Variants in SPEF2 observed in about 807,000 individuals in gnomAD.
SPEF2 encodes the protein sperm flagellar and cilia associated 2.
A neutral mutation model predicts 224.6 loss-of-function variants in SPEF2; 187 were observed. That is an observed-to-expected ratio of 0.83 (90% CI 0.74 to 0.94). The LOEUF (loss-of-function observed/expected upper bound fraction) is 0.94, where lower values mean the gene tolerates loss of function less well. Ranked by LOEUF, SPEF2 falls within the 40% of genes least tolerant of loss-of-function variation. The pLI is 0.00. For synonymous variants in SPEF2, 715 were observed against 707.3 expected, an observed-to-expected ratio of 1.01 and a Z score of -0.17; for missense variants, 2,170 against 2,135.6, an observed-to-expected ratio of 1.02 and a Z score of -0.32.
chr5:35,663,993 G>A (rs1750084794), intron 8 of SPEF2, among the ~76,000 whole-genome samples: 1 of 152,094 alleles, frequency 6.6e-6, no homozygotes, highest in African/African-American at 2.4e-5. Context: ...CATTGCCTGG[G>A]TTCTGGCCAC....
At chr5:35,692,863 C>A in intron 12 of SPEF2, 139 bp downstream of exon 12, 1 of 690,568 alleles carries the variant, frequency 1.4e-6, no homozygotes, top group Non-Finnish European at 2.2e-6. Flanking sequence ...CTGCAAAAGT[C>A]TAGAAAATAA....
At chr5:35,775,415 C>T (rs778898085) in intron 28 of SPEF2, among the ~76,000 whole-genome samples, 2 of 152,050 alleles carry the variant, frequency 1.3e-5, no homozygotes, top group Non-Finnish European at 2.9e-5. Context: ...AGGAGTATTA[C>T]GTGCCATGGC....
chr5:35,660,746 G>A (rs1434802504), intron 8 of SPEF2, among the ~76,000 whole-genome samples: 1 of 152,062 alleles, frequency 6.6e-6, no homozygotes, highest in African/African-American at 2.4e-5. Flanking sequence ...GTGCCTATTT[G>A]AAAAATATGT....
At position 35,775,978 on chromosome 5, in the gene SPEF2, G is replaced by A. The variant is rs767245296; in HGVS notation, c.4079-279G>A. On this transcript the variant is annotated intron_variant, in intron 28 of 36. Coordinates refer to ENST00000356031, the MANE Select transcript of SPEF2 (RefSeq NM_024867.4). ...TTCAAAATTCAGAAATTACCTATGCGTGTTTTCACATTTCATTTATCAAAG... is the reference window on the plus strand; with the variant it reads ...TTCAAAATTCAGAAATTACCTATGCATGTTTTCACATTTCATTTATCAAAG... Among the ~76,000 whole-genome samples the A allele has an allele frequency of 2.6e-5, 4 of 152,244 alleles. No homozygotes were observed. In the South Asian group the frequency reaches 6.2e-4, roughly 24 times the overall value.
chr5:35,761,720 T>G (rs1483644292), intron 25 of SPEF2, among the ~76,000 whole-genome samples: 2 of 152,110 alleles, frequency 1.3e-5, no homozygotes, highest in Non-Finnish European at 2.9e-5. Context: ...TATAAACCAC[T>G]AGAACCATCA....
chr5:35,671,133 GA>G (rs1299753254), intron 10 of SPEF2: 1 of 985,196 alleles, frequency 1.0e-6, no homozygotes, highest in Non-Finnish European at 1.2e-6. Flanking sequence ...AGTGCAACAT[GA>G]AAAAAATCTA....
rs1752880238 is a variant in SPEF2 at position 35,771,696 on chromosome 5, G to A, written c.3889G>A (p.Ala1297Thr). The A allele has an allele frequency of 6.2e-7, 1 of 1,605,850 alleles. No homozygotes were observed. The highest frequency in any genetic ancestry group is 1.1e-5 in the South Asian group (1 of 88,690). Residue 1297 changes from alanine (A) to threonine (T), a missense_variant, in exon 27 of 37, where the codon GCA (alanine) becomes ACA (threonine). By Grantham distance (58) the Ala-to-Thr change is moderately conservative (BLOSUM62 0). Transcript: ENST00000356031. ...CAAAGAAAAATCTCCTCAGATGGGT[G>A]CAAATAAAAAAGTCAAAAAGGAGCC... Reference protein sequence around the residue: ...DPKEKSPQMGANKKVKKEPPK... With the variant: ...DPKEKSPQMGTNKKVKKEPPK...
intron 18 of SPEF2, 97 bp from the exon 19 acceptor site, chr5:35,708,851 A>G: frequency 8.7e-7 from 1 of 1,145,894 alleles, no homozygotes; most frequent in Non-Finnish European, 1.2e-6. Flanking sequence ...TAAATACGTA[A>G]GATTGTTTTA....
At chr5:35,801,742 A>G (rs928618274) in intron 34 of SPEF2, among the ~76,000 whole-genome samples, 2 of 151,886 alleles carry the variant, frequency 1.3e-5, no homozygotes, top group African/African-American at 2.4e-5. Context: ...ATATGTTCCC[A>G]TGGTGCACCC....
chr5:35,637,414 A>C (rs1381696129), intron 2 of SPEF2, among the ~76,000 whole-genome samples: 1 of 152,172 alleles, frequency 6.6e-6, no homozygotes, highest in Non-Finnish European at 1.5e-5. Context: ...TTCCTGCTTA[A>C]GTACTTCTTA....
chr5:35,626,811 G>A (rs1580011565), intron 1 of SPEF2, among the ~76,000 whole-genome samples: 1 of 152,080 alleles, frequency 6.6e-6, no homozygotes, highest in Non-Finnish European at 1.5e-5. Context: ...CTGTGTTCTG[G>A]TATCAGACAT....
At chr5:35,798,279 G>C (rs1291382890) in intron 33 of SPEF2, among the ~76,000 whole-genome samples, 1 of 151,408 alleles carries the variant, frequency 6.6e-6, no homozygotes, top group East Asian at 1.9e-4. Flanking sequence ...ACCAGGCCTT[G>C]TGCATTCTGA....
intron 24 of SPEF2, 88 bp from the exon 25 acceptor site, chr5:35,759,480 A>G (rs1214975735): frequency 5.9e-6 from 7 of 1,180,954 alleles, no homozygotes; most frequent in South Asian, 3.0e-5. Context: ...AATGTTTTCA[A>G]AATAGTGCTT....
intron 34 of SPEF2, among the ~76,000 whole-genome samples, chr5:35,804,275 G>A (rs966226852): frequency 6.6e-6 from 1 of 152,190 alleles, no homozygotes; most frequent in Admixed American, 6.5e-5. Context: ...ACATTTGTTG[G>A]GAGTCCTGAG....
At chr5:35,759,004 TCAAAA>T (rs1750837741) in intron 24 of SPEF2, among the ~76,000 whole-genome samples, 1 of 1,704 alleles carries the variant, frequency 5.9e-4, no homozygotes, top group Admixed American at 5.3e-3. Flanking sequence ...AGACTCTGTC[TCAAAA>T]AAAAAAAAAA....
intron 7 of SPEF2, 113 bp from the exon 8 acceptor site, chr5:35,658,906 G>C (rs1247326021): frequency 3.9e-6 from 3 of 773,852 alleles, no homozygotes; most frequent in Non-Finnish European, 5.5e-6. Flanking sequence ...TCAAATGACA[G>C]AAACTGATTT....
chr5:35,762,121 T>G (rs1751372627), intron 25 of SPEF2, among the ~76,000 whole-genome samples: 1 of 152,198 alleles, frequency 6.6e-6, no homozygotes, highest in South Asian at 2.1e-4. Context: ...TAATAATGAA[T>G]ACTTATCATA....
rs1329686103 is a variant in SPEF2 at position 35,780,878 on chromosome 5, T to C, written c.4447+1532T>C. 2.0e-5 allele frequency among the ~76,000 whole-genome samples: 3 copies of C among 152,184 alleles called. No individual in the cohort carries two copies. The East Asian group carries it at 5.8e-4, about 29-fold the overall frequency. ...TGAAAATTATCATCCACTTACAATATATCTTTCAGCAGGGACCCTAGTATC... is the reference window on the plus strand; with the variant it reads ...TGAAAATTATCATCCACTTACAATACATCTTTCAGCAGGGACCCTAGTATC... On this transcript the variant is annotated intron_variant, in intron 30 of 36. Coordinates refer to ENST00000356031, the MANE Select transcript of SPEF2 (RefSeq NM_024867.4).
chr5:35,806,023 G>A (rs1561393640), intron 34 of SPEF2, among the ~76,000 whole-genome samples: 1 of 152,122 alleles, frequency 6.6e-6, no homozygotes, highest in Non-Finnish European at 1.5e-5. Flanking sequence ...TTGGGCAAAT[G>A]AATATTTCTT....
Sources: allele counts gnomAD v4.1 joint callset (sites outside exome capture counted in the v4.1 genomes callset), GRCh38; gene constraint gnomAD v4.1.1; transcripts MANE v1.5; gene names NCBI Gene and HGNC (gene_info 2026-07-23, HGNC 2026-07-21).